The following OSCP1 variants were observed in gnomAD, a reference collection of about 807,000 sequenced individuals.
The protein encoded by OSCP1 is protein OSCP1.
OSCP1 carries 35 observed loss-of-function variants against 45.1 expected under a neutral mutation model. The ratio of observed to expected loss-of-function variants is 0.78; its 90% CI spans 0.59 to 1.03. The LOEUF (loss-of-function observed/expected upper bound fraction) is 1.03. Ranked by LOEUF, OSCP1 falls within the 50% of genes least tolerant of loss-of-function variation. The pLI is 0.00. For synonymous variants in OSCP1, 179 were observed against 180.1 expected (o/e 0.99, Z 0.05); for missense variants, 400 against 470.7 (o/e 0.85, Z 1.39).
chr1:36,446,496 G>A lies in OSCP1; in HGVS notation c.112+3762C>T, dbSNP rs866661790. Among the ~76,000 whole-genome samples the A allele has an allele frequency of 3.9e-5, 6 of 152,324 alleles. No homozygotes were observed. In the South Asian group the frequency reaches 1.0e-3, roughly 26 times the overall value. ...ATGGAACTGGCAGATGCTCCCGAAG[G>A]CAGGCAGGCTGAACGCCAGCAGGGG... On this transcript the variant is annotated intron_variant, in intron 1 of 9. Transcript: ENST00000235532.
At chr1:36,443,982 A>T (rs1649353260) in intron 1 of OSCP1, 38 of 1,610,592 alleles carry the variant, frequency 2.4e-5, no homozygotes, top group Non-Finnish European at 3.2e-5. Context: ...CACTGAACAC[A>T]TGCAGCCCGG....
chr1:36,432,307 T>A, intron 3 of OSCP1, 115 bp downstream of exon 3: 1 of 1,235,446 alleles, frequency 8.1e-7, no homozygotes, highest in Non-Finnish European at 1.1e-6. Context: ...TCTGGGAGAG[T>A]GGCAGGCTTT....
chr1:36,422,991 A>T, intron 5 of OSCP1, 95 bp from the exon 6 acceptor site: 1 of 975,780 alleles, frequency 1.0e-6, no homozygotes, highest in Non-Finnish European at 1.4e-6. Context: ...AAAAAGGAAT[A>T]CATGCTCTCC....
At chr1:36,420,402 TG>T (rs1647546162) in intron 8 of OSCP1, 73 bp downstream of exon 8, 1 of 1,513,282 alleles carries the variant, frequency 6.6e-7, no homozygotes, top group Non-Finnish European at 9.0e-7. Context: ...GCCACTGGTT[TG>T]TAATAGTCAT....
At chr1:36,439,057 C>CACCTGTGTGGTCCCCT in intron 1 of OSCP1, 147 bp from the exon 2 acceptor site, 3 of 743,970 alleles carry the variant, frequency 4.0e-6, no homozygotes, top group Non-Finnish European at 6.1e-6. Flanking sequence ...CCTGAGGGGA[C>CACCTGTGTGGTCCCCT]CACACAGGTG....
At chr1:36,420,915 C>T (rs1435270273) in intron 7 of OSCP1, among the ~76,000 whole-genome samples, 2 of 152,058 alleles carry the variant, frequency 1.3e-5, no homozygotes, top group African/African-American at 2.4e-5. Flanking sequence ...GTATGGCTTC[C>T]TTTCCTGTCA....
At chr1:36,422,734 G>A in intron 6 of OSCP1, 34 bp downstream of exon 6, 2 of 1,502,942 alleles carry the variant, frequency 1.3e-6, no homozygotes, top group Non-Finnish European at 1.8e-6. Context: ...GACCTCCCTT[G>A]GACTTGAATT....
intron 1 of OSCP1, among the ~76,000 whole-genome samples, chr1:36,441,873 A>G (rs1649201088): frequency 6.6e-6 from 1 of 151,992 alleles, no homozygotes; most frequent in Non-Finnish European, 1.5e-5. Context: ...TTGGCATGCA[A>G]ATGAGTTCTG....
Position 36,432,460 on chromosome 1 carries a change from G to A in OSCP1, c.397C>T (p.Leu133=), listed in dbSNP as rs1197764275. The part of the protein sequence containing the change: ...KGFIRDSPTI[L]QQVDETLRQL... ...CGCAAAGTCTCGTCCACTTGCTGCAGGATGGTTGGGGAGTCTCGGATGAAT... is the reference window on the plus strand; with the variant it reads ...CGCAAAGTCTCGTCCACTTGCTGCAAGATGGTTGGGGAGTCTCGGATGAAT... The change falls in exon 3 of 10, where the codon CTG becomes TTG. Residue 133 remains leucine (L), a synonymous_variant. Transcript: ENST00000235532. 6.2e-7 allele frequency: 1 copy of A among 1,614,162 alleles called. No homozygotes were observed.
intron 6 of OSCP1, 106 bp downstream of exon 6, chr1:36,422,662 G>T: frequency 8.4e-7 from 1 of 1,186,056 alleles, no homozygotes; most frequent in Non-Finnish European, 1.1e-6. Context: ...TACTCCTATT[G>T]TCGGCAGGGA....
intron 4 of OSCP1, among the ~76,000 whole-genome samples, chr1:36,425,077 G>A (rs1647882072): frequency 6.6e-6 from 1 of 151,316 alleles, no homozygotes; most frequent in East Asian, 1.9e-4. Context: ...CAAGGACAAG[G>A]CACGAGAATC....
intron 9 of OSCP1, chr1:36,418,538 A>G (rs923127726): frequency 4.1e-6 from 2 of 484,120 alleles, no homozygotes; most frequent in Non-Finnish European, 7.4e-6. Flanking sequence ...GGGAATGACA[A>G]TACAGCACTT....
In OSCP1 at chr1:36,422,700, T is replaced by TC. The variant is rs1204260442; in HGVS notation, c.749+67dup. 1.7e-5 allele frequency: 21 copies of TC among 1,251,598 alleles called. No individual in the cohort carries two copies. The East Asian group carries it at 4.3e-4, about 26-fold the overall frequency. 77.5% of individuals were successfully genotyped at this position (1,251,598 alleles called of 1,614,324 possible). On this transcript the variant is annotated intron_variant, in intron 6 of 9. Transcript: ENST00000235532. ...TTCATAGCAGAAGTCTGGCTGTTTC[T>TC]CTTTTTTTTTTTTTAAATGAAGTGA...
chr1:36,418,222 T>C lies in OSCP1; in HGVS notation c.1057A>G (p.Met353Val). ...TGCTCCGTGATCTCAAACTCCCCCATGATTCGAGCCAGCTCCTCGCTCCGT... is the reference window on the plus strand; with the variant it reads ...TGCTCCGTGATCTCAAACTCCCCCACGATTCGAGCCAGCTCCTCGCTCCGT... ...QQRSEELARI[M>V]GEFEITEQPR... The change falls in exon 10 of 10, where the codon ATG becomes GTG. Residue 353 changes from methionine to valine, a missense_variant. Coordinates refer to ENST00000235532, the MANE Select transcript of OSCP1 (RefSeq NM_145047.5). 1 of 1,614,170 alleles carries C rather than the reference T, an allele frequency of 6.2e-7. No homozygotes were observed. The highest frequency in any genetic ancestry group is 8.5e-7 in the Non-Finnish European group (1 of 1,180,032).
Position 36,435,098 on chromosome 1 carries a change from T to C in OSCP1, c.268-2509A>G, listed in dbSNP as rs1321523213. 1.2e-3 allele frequency among the ~76,000 whole-genome samples: 171 copies of C among 137,706 alleles called. 1 individual carries two copies. Among genetic ancestry groups the C allele is most frequent in the Middle Eastern group, 3.5e-3 (1 of 284 alleles). 90.3% of individuals were successfully genotyped at this position (137,706 alleles called of 152,430 possible). A position where few individuals can be genotyped will look rare whatever the true frequency, so the allele number is the denominator to read the frequency against. On this transcript the variant is annotated intron_variant, in intron 2 of 9. Coordinates refer to ENST00000235532, the MANE Select transcript of OSCP1 (RefSeq NM_145047.5). ...TTCTTTTCTTTTCTTTTTCTTTTTT[T>C]TTTTTTTTTTTTTGACATGGGGGTC...
intron 1 of OSCP1, among the ~76,000 whole-genome samples, chr1:36,449,720 C>T (rs1006001620): frequency 1.3e-5 from 2 of 150,864 alleles, no homozygotes; most frequent in Admixed American, 1.3e-4. Flanking sequence ...GCCTGTAATC[C>T]CAGCTACTTG....
At chr1:36,436,252 C>CA (rs1648729221) in intron 2 of OSCP1, among the ~76,000 whole-genome samples, 1 of 151,422 alleles carries the variant, frequency 6.6e-6, no homozygotes, top group Admixed American at 6.6e-5. Flanking sequence ...TACAGGCGCC[C>CA]ACCACCACAC....
chr1:36,440,814 CTT>C (rs1324281962), intron 1 of OSCP1: 2 of 152,190 alleles, frequency 1.3e-5, no homozygotes, highest in African/African-American at 4.8e-5. Flanking sequence ...TTTCCACAGA[CTT>C]ACGTAAGCCA....
intron 4 of OSCP1, among the ~76,000 whole-genome samples, chr1:36,424,557 T>G (rs998480542): frequency 1.3e-5 from 2 of 152,134 alleles, no homozygotes; most frequent in African/African-American, 4.8e-5. Flanking sequence ...GGATTCAAAC[T>G]CCTGTGATTC....
Sources: allele counts gnomAD v4.1 joint callset (sites outside exome capture counted in the v4.1 genomes callset), GRCh38; gene constraint gnomAD v4.1.1; transcripts MANE v1.5; gene names NCBI Gene and HGNC (gene_info 2026-07-23, HGNC 2026-07-21).